Variants in FHIT observed in about 807,000 individuals in gnomAD.
The protein encoded by FHIT is bis(5'-adenosyl)-triphosphatase.
In FHIT, 19 loss-of-function variants were observed where a neutral mutation model predicts 17.9. The ratio of observed to expected loss-of-function variants is 1.06; its 90% CI spans 0.74 to 1.56. The LOEUF (loss-of-function observed/expected upper bound fraction) is 1.56, where lower values mean the gene tolerates loss of function less well. Among genes scored for constraint, FHIT ranks in the 40% most tolerant of loss-of-function variants. The pLI is 0.00. For synonymous variants in FHIT, 81 were observed against 69.7 expected (o/e 1.16, Z -0.81); for missense variants, 248 against 189.2 (o/e 1.31, Z -1.82).
chr3:60,319,058 C>G (rs912178899), intron 5 of FHIT, among the ~76,000 whole-genome samples: 9 of 152,144 alleles, frequency 5.9e-5, no homozygotes, highest in African/African-American at 2.2e-4. Context: ...TATGACTACC[C>G]TGCACCCACC....
chr3:60,640,769 G>T (rs1166624853), intron 4 of FHIT, among the ~76,000 whole-genome samples: 1 of 152,178 alleles, frequency 6.6e-6, no homozygotes, highest in African/African-American at 2.4e-5. Flanking sequence ...AAGAATGCTT[G>T]CTCATTTTAT....
At chr3:60,540,200 C>T (rs1322778812) in intron 4 of FHIT, among the ~76,000 whole-genome samples, 1 of 152,126 alleles carries the variant, frequency 6.6e-6, no homozygotes, top group East Asian at 1.9e-4. Context: ...TGAAGGATGG[C>T]TCGCCCTGGG....
chr3:60,850,616 C>T (rs868917422), intron 3 of FHIT, among the ~76,000 whole-genome samples: 15 of 152,190 alleles, frequency 9.9e-5, no homozygotes, highest in Middle Eastern at 3.4e-3. Flanking sequence ...GTATTGTGCT[C>T]ACCACTTGTT....
At chr3:60,284,230 G>T (rs1219298832) in intron 5 of FHIT, among the ~76,000 whole-genome samples, 2 of 152,122 alleles carry the variant, frequency 1.3e-5, no homozygotes, top group Non-Finnish European at 2.9e-5. Context: ...GAAAATGGAT[G>T]TCACTTACAT....
At chr3:60,362,785 G>A (rs1167764766) in intron 5 of FHIT, among the ~76,000 whole-genome samples, 2 of 152,120 alleles carry the variant, frequency 1.3e-5, no homozygotes, top group African/African-American at 4.8e-5. Context: ...TAGAGTTATA[G>A]TGAGGGATAA....
chr3:60,274,117 C>A (rs1209120056), intron 5 of FHIT, among the ~76,000 whole-genome samples: 1 of 152,148 alleles, frequency 6.6e-6, no homozygotes, highest in East Asian at 1.9e-4. Flanking sequence ...ATCATCTCTG[C>A]CTTCTACTCT....
chr3:59,938,392 G>A (rs1420122814), intron 7 of FHIT, among the ~76,000 whole-genome samples: 3 of 152,106 alleles, frequency 2.0e-5, no homozygotes, highest in Non-Finnish European at 4.4e-5. Flanking sequence ...TCAGACTGCG[G>A]TGGAGGTTGG....
At position 61,017,744 on chromosome 3, in the gene FHIT, G is replaced by C. The variant is rs149969681; in HGVS notation, c.-111+24303C>G. ...TTGTGAAGAATTTGGCAATGAGGAG[G>C]GGCATTATCTTCTTCCATAAAGACA... On this transcript the variant is annotated intron_variant, in intron 3 of 9. Coordinates refer to ENST00000492590, the MANE Select transcript of FHIT (RefSeq NM_002012.4). 3.1e-3 allele frequency among the ~76,000 whole-genome samples: 467 copies of C among 152,246 alleles called. 2 individuals carry two copies. The highest frequency in any genetic ancestry group is 0.01 in the African/African-American group (424 of 41,538).
At position 61,175,392 on chromosome 3, in the gene FHIT, C is replaced by A. The variant is rs1027822033; in HGVS notation, c.-164+25225G>T. Among the ~76,000 whole-genome samples the A allele has an allele frequency of 3.3e-5, 5 of 152,234 alleles. No individual in the cohort carries two copies. In the East Asian group the frequency reaches 9.7e-4, roughly 30 times the overall value. On this transcript the variant is annotated intron_variant, in intron 2 of 9. Coordinates refer to ENST00000492590, the MANE Select transcript of FHIT (RefSeq NM_002012.4). The stretch of plus-strand genomic sequence containing the variant: ...CAGATGCCAGCTTGACCACCTCCCC[C>A]ATCAAAGTCACCAGACTGAGCTCTA...
chr3:60,755,426 T>C (rs1285459262), intron 4 of FHIT, among the ~76,000 whole-genome samples: 1 of 152,208 alleles, frequency 6.6e-6, no homozygotes, highest in Non-Finnish European at 1.5e-5. Flanking sequence ...ATTCTATGGA[T>C]AATATCTCAA....
At chr3:60,235,421 A>G (rs1352662772) in intron 5 of FHIT, among the ~76,000 whole-genome samples, 1 of 152,010 alleles carries the variant, frequency 6.6e-6, no homozygotes, top group Non-Finnish European at 1.5e-5. Flanking sequence ...TAGTAGAGGC[A>G]GGGTTTCACC....
intron 2 of FHIT, among the ~76,000 whole-genome samples, chr3:61,102,239 A>C (rs1576016467): frequency 6.6e-6 from 1 of 152,176 alleles, no homozygotes; most frequent in East Asian, 1.9e-4. Flanking sequence ...ATTAATACCT[A>C]GTTTATTCAG....
chr3:60,318,278 G>C (rs989168520), intron 5 of FHIT, among the ~76,000 whole-genome samples: 3 of 152,082 alleles, frequency 2.0e-5, no homozygotes, highest in Non-Finnish European at 4.4e-5. Flanking sequence ...GACATCAAAA[G>C]AAAGAACTAA....
Position 59,748,352 on chromosome 3 carries a change from T to C in FHIT, c.*1233A>G, listed in dbSNP as rs774151665. ...ACTGTATTCGCCCAAGTGATGTTTA[T>C]TTAGGCATGTGGTCAGATGGTAAAG... On this transcript the variant is annotated 3_prime_UTR_variant, in exon 10 of 10. Transcript: ENST00000492590. Among the ~76,000 whole-genome samples, 1 of 152,108 alleles carries C rather than the reference T, an allele frequency of 6.6e-6. No individual in the cohort carries two copies. The highest frequency in any genetic ancestry group is 2.1e-4 in the South Asian group (1 of 4,824).
At chr3:60,144,435 T>C (rs1051593141) in intron 5 of FHIT, among the ~76,000 whole-genome samples, 2 of 152,170 alleles carry the variant, frequency 1.3e-5, no homozygotes, top group Non-Finnish European at 2.9e-5. Context: ...AGGCAAGTAT[T>C]CTGGAGCTTG....
intron 4 of FHIT, among the ~76,000 whole-genome samples, chr3:60,541,369 A>G (rs2036180369): frequency 6.6e-6 from 1 of 152,174 alleles, no homozygotes; most frequent in Non-Finnish European, 1.5e-5. Flanking sequence ...ACCATTCTAC[A>G]AACAGCATTG....
rs552246889 is a variant in FHIT, at chr3:60,295,358, T to C, written c.103+241502A>G. Among the ~76,000 whole-genome samples, 33 of 152,230 alleles carry C rather than the reference T, an allele frequency of 2.2e-4. No homozygotes were observed. In the South Asian group the frequency reaches 3.3e-3, roughly 15 times the overall value. ...TCTGCAGGGTTTACAAGCAGCATGA[T>C]GCTAACATCTGCTTCTGATGAGAAC... On this transcript the variant is annotated intron_variant, in intron 5 of 9. Coordinates refer to ENST00000492590, the MANE Select transcript of FHIT (RefSeq NM_002012.4).
intron 7 of FHIT, among the ~76,000 whole-genome samples, chr3:59,929,859 GC>G (rs1378458878): frequency 5.9e-5 from 7 of 118,274 alleles, no homozygotes; most frequent in Admixed American, 3.5e-4. Flanking sequence ...TATGATACAC[GC>G]TTTTTTTTTT....
chr3:59,804,644 A>C (rs969900733), intron 8 of FHIT, among the ~76,000 whole-genome samples: 10 of 152,152 alleles, frequency 6.6e-5, no homozygotes, highest in African/African-American at 2.4e-4. Flanking sequence ...GGATGAAGTA[A>C]AGTTATGAAG....
Sources: allele counts gnomAD v4.1 joint callset (sites outside exome capture counted in the v4.1 genomes callset), GRCh38; gene constraint gnomAD v4.1.1; transcripts MANE v1.5; gene names NCBI Gene and HGNC (gene_info 2026-07-23, HGNC 2026-07-21).